The following ABI3BP variants were observed in gnomAD, a reference collection of about 807,000 sequenced individuals.
ABI3BP encodes the protein target of Nesh-SH3.
Under a neutral mutation model 268.6 loss-of-function variants are expected in ABI3BP, and 216 were observed. The ratio of observed to expected loss-of-function variants is 0.80; its 90% confidence interval spans 0.72 to 0.90. The LOEUF is 0.90. ABI3BP is among the 40% of genes least tolerant of loss of function. The pLI, the probability that ABI3BP is intolerant of heterozygous loss-of-function variation, is 0.00. For synonymous variants in ABI3BP, 730 were observed against 730.0 expected, an observed-to-expected ratio of 1.00 and a Z score of 0.00; for missense variants, 2,090 against 2,182.4, an observed-to-expected ratio of 0.96 and a Z score of 0.84.
intron 61 of ABI3BP, among the ~76,000 whole-genome samples, chr3:100,773,221 G>A (rs1029874355): frequency 2.0e-5 from 3 of 151,860 alleles, no homozygotes; most frequent in African/African-American, 7.3e-5. Context: ...TATTTTCAAA[G>A]TATGTATCTA....
At chr3:100,932,097 G>A (rs1342292296) in intron 1 of ABI3BP, among the ~76,000 whole-genome samples, 1 of 151,858 alleles carries the variant, frequency 6.6e-6, no homozygotes, top group East Asian at 1.9e-4. Flanking sequence ...AAAAAAACAA[G>A]CAATAGGGAA....
Position 100,768,237 on chromosome 3 carries a change from C to T in ABI3BP, c.4742-2288G>A, listed in dbSNP as rs568995896. On this transcript the variant is annotated intron_variant, in intron 62 of 67. Coordinates refer to ENST00000471714, the MANE Select transcript of ABI3BP (RefSeq NM_001375547.2). ...CGGAGTAGCTGGGGCTACAGGCGCC[C>T]GCCACCACACCCGGCTAATTTTTTG... 4.7e-4 allele frequency among the ~76,000 whole-genome samples: 71 copies of T among 152,050 alleles called. 1 individual carries two copies. The South Asian group carries it at 9.1e-3, about 20-fold the overall frequency.
Position 100,856,578 on chromosome 3 carries a change from G to A in ABI3BP, c.1286-4638C>T, listed in dbSNP as rs558874761. ...ATTTGGTTTTTCTGGACACTTGGGA[G>A]AAGAACAGGCAGGAGGATTTCCTAA... On this transcript the variant is annotated intron_variant, in intron 14 of 67. Coordinates refer to ENST00000471714, the MANE Select transcript of ABI3BP (RefSeq NM_001375547.2). Among the ~76,000 whole-genome samples, 3 of 152,330 alleles carry A rather than the reference G, an allele frequency of 2.0e-5. No homozygotes were observed. In the East Asian group the frequency reaches 5.8e-4, roughly 29 times the overall value.
chr3:100,796,574 AT>A, intron 51 of ABI3BP, 106 bp from the exon 52 acceptor site: 1 of 775,774 alleles, frequency 1.3e-6, no homozygotes, highest in Non-Finnish European at 2.0e-6. Context: ...AAGCAAAAGT[AT>A]TTTTACAATG....
At chr3:100,866,612 T>C (rs1436812254) in intron 10 of ABI3BP, among the ~76,000 whole-genome samples, 1 of 152,212 alleles carries the variant, frequency 6.6e-6, no homozygotes, top group Non-Finnish European at 1.5e-5. Context: ...ATGTTTTTAA[T>C]ATAAAAATAT....
At chr3:100,890,585 C>A (rs2044119831) in intron 4 of ABI3BP, among the ~76,000 whole-genome samples, 2 of 152,072 alleles carry the variant, frequency 1.3e-5, no homozygotes, top group African/African-American at 4.8e-5. Flanking sequence ...TAGTACTTTT[C>A]TCTTAAACCT....
intron 1 of ABI3BP, among the ~76,000 whole-genome samples, chr3:100,963,653 CCT>C (rs1424606877): frequency 1.3e-5 from 2 of 152,178 alleles, no homozygotes; most frequent in Admixed American, 6.5e-5. Flanking sequence ...TATGTTAGCC[CCT>C]GTTTCTCTTT....
At chr3:100,879,177 CT>C (rs2099199239) in intron 6 of ABI3BP, among the ~76,000 whole-genome samples, 1 of 152,212 alleles carries the variant, frequency 6.6e-6, no homozygotes, top group Non-Finnish European at 1.5e-5. Context: ...CCCCTTGCCC[CT>C]CACCCCCTGG....
rs112704494 is a variant in ABI3BP at position 100,864,392 on chromosome 3, G to A, written c.1064-316C>T. The stretch of plus-strand genomic sequence containing the variant: ...GGGCTAAGAAACAACAAACATGGGT[G>A]CCATGAAATTCTTGTTTAAAAGCAT... On this transcript the variant is annotated intron_variant, in intron 11 of 67. Transcript: ENST00000471714. 7.1e-3 allele frequency: 2,554 copies of A among 360,540 alleles called. 54 individuals carry two copies. The highest frequency in any genetic ancestry group is 0.048 in the African/African-American group (2,342 of 48,720). The allele number at this position is 360,540 out of a possible 1,614,324, so 22.3% of individuals were successfully genotyped here.
chr3:100,911,283 G>A, intron 2 of ABI3BP: 1 of 305,008 alleles, frequency 3.3e-6, no homozygotes. Context: ...AAACATGTCT[G>A]TTTTTTAAAG....
At chr3:100,761,492 G>A (rs2095945776) in intron 63 of ABI3BP, among the ~76,000 whole-genome samples, 2 of 152,138 alleles carry the variant, frequency 1.3e-5, no homozygotes, top group South Asian at 4.1e-4. Flanking sequence ...TGACAAGAAT[G>A]TCTAATGCCA....
chr3:100,864,083 TAA>T lies in ABI3BP; in HGVS notation c.1064-9_1064-8del. ...GGGGTCCTTTTGCTGAGAACTACAA[TAA>T]AAAAGAGTGCAGTTAGCAACTCCTG... On this transcript the variant is annotated splice_polypyrimidine_tract_variant and splice_region_variant and intron_variant, in intron 11 of 67. Coordinates refer to ENST00000471714, the MANE Select transcript of ABI3BP (RefSeq NM_001375547.2). 6.5e-7 allele frequency: 1 copy of T among 1,531,546 alleles called. No individual in the cohort carries two copies. 94.9% of individuals were successfully genotyped at this position (1,531,546 alleles called of 1,614,324 possible). A position where few individuals can be genotyped will look rare whatever the true frequency, so the allele number is the denominator to read the frequency against.
At chr3:100,914,382 C>T (rs1414574917) in intron 2 of ABI3BP, 1 of 449,584 alleles carries the variant, frequency 2.2e-6, no homozygotes, top group East Asian at 7.0e-5. Context: ...GTCTGCGGAA[C>T]AGGCCCCTGG....
At chr3:100,751,496 T>G in intron 67 of ABI3BP, 56 bp downstream of exon 67, 1 of 1,451,756 alleles carries the variant, frequency 6.9e-7, no homozygotes, top group Non-Finnish European at 9.2e-7. Context: ...CAGCTTGATT[T>G]CTTTCTGAGT....
At chr3:100,905,086 A>T (rs1302211685) in intron 2 of ABI3BP, among the ~76,000 whole-genome samples, 1 of 152,204 alleles carries the variant, frequency 6.6e-6, no homozygotes, top group Non-Finnish European at 1.5e-5. Flanking sequence ...CAGCCATAAA[A>T]AATGATGAGT....
At chr3:100,848,247 C>A (rs112637833) in intron 18 of ABI3BP, among the ~76,000 whole-genome samples, 1 of 152,034 alleles carries the variant, frequency 6.6e-6, no homozygotes, top group Non-Finnish European at 1.5e-5. Flanking sequence ...AAACATCACT[C>A]GAATGAACAT....
intron 59 of ABI3BP, among the ~76,000 whole-genome samples, chr3:100,777,260 C>G (rs2096731423): frequency 6.6e-6 from 1 of 152,172 alleles, no homozygotes; most frequent in African/African-American, 2.4e-5. Flanking sequence ...ATTCCACCTA[C>G]AAAATATTTC....
At chr3:100,872,547 C>A (rs1444686234) in intron 9 of ABI3BP, among the ~76,000 whole-genome samples, 1 of 152,182 alleles carries the variant, frequency 6.6e-6, no homozygotes, top group Non-Finnish European at 1.5e-5. Context: ...CTGCTTTCTG[C>A]AGTTTTGATG....
chr3:100,872,343 T>C (rs2099117939), intron 9 of ABI3BP, among the ~76,000 whole-genome samples: 1 of 152,222 alleles, frequency 6.6e-6, no homozygotes. Context: ...AAATCCACTT[T>C]AATTCCTTAA....
Sources: allele counts gnomAD v4.1 joint callset (sites outside exome capture counted in the v4.1 genomes callset), GRCh38; gene constraint gnomAD v4.1.1; transcripts MANE v1.5; gene names NCBI Gene and HGNC (gene_info 2026-07-23, HGNC 2026-07-21).